UNC80: variants seen among roughly 807,000 people sequenced by gnomAD.
UNC80 encodes unc-80 subunit of NALCN channel complex, also known as protein unc-80 homolog.
UNC80 carries 164 observed loss-of-function variants against 384.6 expected under a neutral mutation model. That is an observed-to-expected ratio of 0.43 (90% CI 0.38 to 0.49). The LOEUF is 0.49. UNC80 is among the 20% of genes least tolerant of loss of function. The pLI, the probability that UNC80 is intolerant of heterozygous loss-of-function variation, is 0.00. For synonymous variants in UNC80, 1,486 were observed against 1,527.8 expected, an observed-to-expected ratio of 0.97 and a Z score of 0.64; for missense variants, 3,330 against 4,143.0, an observed-to-expected ratio of 0.80 and a Z score of 5.39.
chr2:209,777,004 C>T (rs1002722067), intron 3 of UNC80, among the ~76,000 whole-genome samples: 3 of 152,164 alleles, frequency 2.0e-5, no homozygotes, highest in East Asian at 1.9e-4. Flanking sequence ...TTAACCACTA[C>T]GCTGCCTATT....
intron 33 of UNC80, 78 bp downstream of exon 33, chr2:209,918,741 C>A: frequency 7.1e-7 from 1 of 1,406,768 alleles, no homozygotes; most frequent in Non-Finnish European, 9.4e-7. Context: ...TTTGTTCATT[C>A]TCATCATAAG....
intron 61 of UNC80, among the ~76,000 whole-genome samples, chr2:209,989,891 C>T (rs924181129): frequency 1.3e-5 from 2 of 152,110 alleles, no homozygotes; most frequent in African/African-American, 4.8e-5. Flanking sequence ...AGAGTTAAGC[C>T]AGCCTTCGAT....
Position 209,956,983 on chromosome 2 carries a change from T to A in UNC80, c.7458-661T>A, listed in dbSNP as rs555905293. On this transcript the variant is annotated intron_variant, in intron 48 of 64. Transcript: ENST00000673920. Reference sequence around the variant, plus strand: ...TTGATGATTTCATAAAAGCAGTTGCTTTAAAAAAAACTGCATTATGCCTTT... The same window carrying A: ...TTGATGATTTCATAAAAGCAGTTGCATTAAAAAAAACTGCATTATGCCTTT... Among the ~76,000 whole-genome samples, 37 of 152,256 alleles carry A rather than the reference T, an allele frequency of 2.4e-4. No individual in the cohort carries two copies. In the South Asian group the frequency reaches 3.9e-3, roughly 16 times the overall value.
At position 209,988,183 on chromosome 2, in the gene UNC80, G is replaced by A. The variant is rs186188403; in HGVS notation, c.9314+3271G>A. 4.5e-3 allele frequency among the ~76,000 whole-genome samples: 692 copies of A among 152,242 alleles called. 5 individuals carry two copies. Among genetic ancestry groups the A allele is most frequent in the African/African-American group, 0.016 (647 of 41,526 alleles). ...TCTCTACAGATACCTTATCGCTCCC[G>A]TGAAGTGCTGGCTTCATGCATTCCT... On this transcript the variant is annotated intron_variant, in intron 61 of 64. Transcript: ENST00000673920.
intron 61 of UNC80, among the ~76,000 whole-genome samples, chr2:209,986,747 C>T (rs139053500): frequency 0.014 from 2,182 of 152,286 alleles, 25 homozygotes; most frequent in Non-Finnish European, 0.025. Context: ...TCTAATAGCA[C>T]AGAGGCTTTC....
intron 7 of UNC80, among the ~76,000 whole-genome samples, chr2:209,802,128 G>T (rs1321886669): frequency 6.6e-6 from 1 of 152,094 alleles, no homozygotes; most frequent in Non-Finnish European, 1.5e-5. Context: ...AGAGTAGAAT[G>T]GTAGTTATCA....
chr2:209,910,267 C>T (rs1301963902), intron 29 of UNC80, among the ~76,000 whole-genome samples: 1 of 149,408 alleles, frequency 6.7e-6, no homozygotes, highest in Non-Finnish European at 1.5e-5. Flanking sequence ...AAATCTCTAA[C>T]TCTTCAAAGG....
chr2:209,959,711 C>T lies in UNC80; in HGVS notation c.7805+4C>T, dbSNP rs2092530439. 2 of 1,550,334 alleles carry T rather than the reference C, an allele frequency of 1.3e-6. No individual in the cohort carries two copies. The highest frequency in any genetic ancestry group is 1.7e-6 in the Non-Finnish European group (2 of 1,146,672). On this transcript the variant is annotated splice_donor_region_variant and intron_variant, in intron 51 of 64. Coordinates refer to ENST00000673920, the MANE Select transcript of UNC80 (RefSeq NM_001371986.1). ...TGGATGTGAAGTCTCACATGAGGTA[C>T]TGGCCTCGCTTTCCCTGCCCCAAGT...
chr2:209,786,003 T>G, intron 4 of UNC80, 63 bp from the exon 5 acceptor site: 1 of 1,556,964 alleles, frequency 6.4e-7, no homozygotes, highest in Non-Finnish European at 8.7e-7. Context: ...CTTGCATTGA[T>G]TGGTCCCTTT....
intron 63 of UNC80, among the ~76,000 whole-genome samples, chr2:209,993,631 T>TA (rs1239307779): frequency 6.6e-6 from 1 of 152,072 alleles, no homozygotes; most frequent in African/African-American, 2.4e-5. Context: ...CATGAACCTA[T>TA]AAAAAATGGA....
At chr2:209,835,990 C>A (rs1469314818) in intron 18 of UNC80, among the ~76,000 whole-genome samples, 2 of 152,174 alleles carry the variant, frequency 1.3e-5, no homozygotes, top group Non-Finnish European at 2.9e-5. Context: ...TCAAGTAGAT[C>A]AATTCCATGG....
At chr2:209,826,892 C>A (rs2080564604) in intron 14 of UNC80, among the ~76,000 whole-genome samples, 1 of 152,100 alleles carries the variant, frequency 6.6e-6, no homozygotes, top group South Asian at 2.1e-4. Flanking sequence ...ATGTCAAAAT[C>A]TAATGCCAGC....
chr2:209,903,307 T>C (rs1347764330), intron 28 of UNC80, among the ~76,000 whole-genome samples: 2 of 89,328 alleles, frequency 2.2e-5, no homozygotes, highest in African/African-American at 7.5e-5. Flanking sequence ...ATACAATATA[T>C]ATATTATATT....
chr2:209,903,704 T>C lies in UNC80; in HGVS notation c.4582-1061T>C, dbSNP rs147642251. 4.8e-3 allele frequency among the ~76,000 whole-genome samples: 676 copies of C among 140,988 alleles called. 8 individuals carry two copies. The highest frequency in any genetic ancestry group is 0.017 in the African/African-American group (636 of 37,582). 92.5% of individuals were successfully genotyped at this position (140,988 alleles called of 152,430 possible). On this transcript the variant is annotated intron_variant, in intron 28 of 64. Transcript: ENST00000673920. ...GGTTAGAGGGGGAATGTATTAATTT[T>C]CTAGTGCTGCATACAAATTACCACA...
chr2:209,850,520 A>G (rs2082453414), intron 22 of UNC80, among the ~76,000 whole-genome samples: 1 of 152,152 alleles, frequency 6.6e-6, no homozygotes, highest in Non-Finnish European at 1.5e-5. Flanking sequence ...TCCAAGCCTT[A>G]TAATGTAATT....
chr2:209,990,328 A>T (rs2093369356), intron 61 of UNC80, among the ~76,000 whole-genome samples: 1 of 152,156 alleles, frequency 6.6e-6, no homozygotes, highest in Non-Finnish European at 1.5e-5. Context: ...TCCTTTTAGT[A>T]TTCTAGAAGC....
intron 22 of UNC80, among the ~76,000 whole-genome samples, chr2:209,860,028 A>G (rs1377874571): frequency 6.6e-6 from 1 of 152,002 alleles, no homozygotes; most frequent in Non-Finnish European, 1.5e-5. Context: ...CTTTAGTTTA[A>G]TTATATCCCA....
chr2:209,800,767 C>T (rs1438051438), intron 7 of UNC80, among the ~76,000 whole-genome samples: 1 of 152,152 alleles, frequency 6.6e-6, no homozygotes, highest in African/African-American at 2.4e-5. Flanking sequence ...TCTTTGTTCT[C>T]ATTGGTTTCA....
intron 56 of UNC80, among the ~76,000 whole-genome samples, chr2:209,975,571 G>A (rs565204999): frequency 9.6e-4 from 146 of 152,316 alleles, no homozygotes; most frequent in African/African-American, 3.3e-3. Context: ...GAGCAGTTTA[G>A]TGTGGGGTCA....
Sources: gnomAD v4.1 joint callset for allele counts (sites outside exome capture counted in the v4.1 genomes callset) on GRCh38, gnomAD v4.1.1 for gene constraint, MANE v1.5 for transcripts, NCBI Gene and HGNC (gene_info 2026-07-23, HGNC 2026-07-21) for gene names.